The following LINGO2 variants were observed in gnomAD, a reference collection of about 807,000 sequenced individuals.
The protein encoded by LINGO2 is leucine rich repeat and Ig domain containing 2, also known as leucine-rich repeat and immunoglobulin-like domain-containing nogo receptor-interacting protein 2.
LINGO2 carries 14 observed loss-of-function variants against 30.6 expected under a neutral mutation model. That is an observed-to-expected ratio of 0.46 (90% CI 0.30 to 0.72). LINGO2 has a LOEUF of 0.72. Ranked by LOEUF, LINGO2 falls within the 30% of genes least tolerant of loss-of-function variation. LINGO2 has a pLI of 0.07. For missense variants in LINGO2, 729 were observed against 751.7 expected (o/e 0.97, Z 0.35); for synonymous variants, 317 against 288.5 (o/e 1.10, Z -1.00).
At chr9:28,803,922 A>AT in the LINGO2 span, among the ~76,000 whole-genome samples, 1 of 152,062 alleles carries the variant, frequency 6.6e-6, no homozygotes, top group Non-Finnish European at 1.5e-5. Context: ...TCTGTTCTCC[A>AT]TTTTTTCTTC....
the LINGO2 span, among the ~76,000 whole-genome samples, chr9:29,116,124 T>C: frequency 1.4e-4 from 20 of 141,594 alleles, no homozygotes; most frequent in Non-Finnish European, 2.5e-4. Context: ...AAATATGATT[T>C]AATCATTATG....
chr9:29,025,273 G>C, the LINGO2 span, among the ~76,000 whole-genome samples: 1 of 152,114 alleles, frequency 6.6e-6, no homozygotes, highest in Non-Finnish European at 1.5e-5. Context: ...CTAGGTCAGT[G>C]CATGTTATAG....
the LINGO2 span, among the ~76,000 whole-genome samples, chr9:28,914,574 T>C: frequency 2.6e-5 from 4 of 152,170 alleles, no homozygotes; most frequent in African/African-American, 9.7e-5. Context: ...ACTGTGCAGG[T>C]TCACTTATAC....
chr9:28,257,488 C>T (rs557635871), intron 4 of LINGO2, among the ~76,000 whole-genome samples: 61 of 151,854 alleles, frequency 4.0e-4, no homozygotes, highest in Non-Finnish European at 8.3e-4. Flanking sequence ...AAAATTATGA[C>T]TACTAGAAGT....
chr9:28,874,186 G>C, the LINGO2 span, among the ~76,000 whole-genome samples: 3 of 151,854 alleles, frequency 2.0e-5, no homozygotes, highest in African/African-American at 4.8e-5. Flanking sequence ...TGAAAATCAA[G>C]GAATTACCAT....
At chr9:28,896,453 C>T in the LINGO2 span, among the ~76,000 whole-genome samples, 1 of 147,318 alleles carries the variant, frequency 6.8e-6, no homozygotes, top group Non-Finnish European at 1.5e-5. Flanking sequence ...ACAGATGTAA[C>T]TATGTATGCA....
At chr9:28,224,349 C>A (rs970665036) in intron 4 of LINGO2, among the ~76,000 whole-genome samples, 10 of 152,170 alleles carry the variant, frequency 6.6e-5, no homozygotes, top group Non-Finnish European at 1.3e-4. Flanking sequence ...CAGGCGTGAG[C>A]CACCGCACCT....
chr9:28,179,717 G>C (rs1032381605), intron 4 of LINGO2, among the ~76,000 whole-genome samples: 18 of 140,812 alleles, frequency 1.3e-4, no homozygotes, highest in Admixed American at 1.5e-4. Flanking sequence ...TCTATATATA[G>C]AGTATATATA....
chr9:28,004,523 T>C (rs867990961), intron 5 of LINGO2, among the ~76,000 whole-genome samples: 4 of 152,216 alleles, frequency 2.6e-5, no homozygotes, highest in Non-Finnish European at 5.9e-5. Flanking sequence ...CTGACACTTA[T>C]GAGTCATTTA....
chr9:28,876,406 G>C, the LINGO2 span, among the ~76,000 whole-genome samples: 53,809 of 144,486 alleles, frequency 0.37, 11,515 homozygotes, highest in African/African-American at 0.58. Flanking sequence ...CCCACTCCCC[G>C]CACCCAACAA....
Position 28,129,254 on chromosome 9 carries a change from C to G in LINGO2, c.-86-116849G>C. Among the ~76,000 whole-genome samples, 1 of 152,154 alleles carries G rather than the reference C, an allele frequency of 6.6e-6. No individual in the cohort carries two copies. Among genetic ancestry groups the G allele is most frequent in the East Asian group, 1.9e-4 (1 of 5,188 alleles). ...CACCTGGTAATCGTGGGAGTCAATT[C>G]TCCTTAATAAACTCCTTTTGGTATA... On this transcript the variant is annotated intron_variant, in intron 4 of 5. Coordinates refer to ENST00000379992, the Ensembl canonical transcript of LINGO2. This position sits in a 1 kb window ranked among gnomAD's most constrained non-coding sequence, Gnocchi z 4.0.
chr9:28,591,145 C>G (rs1362603121), intron 1 of LINGO2, among the ~76,000 whole-genome samples: 4 of 148,926 alleles, frequency 2.7e-5, no homozygotes, highest in Non-Finnish European at 4.4e-5. Context: ...ACCTCACACA[C>G]TGGGGCCTGT....
chr9:27,987,577 G>A (rs763939985), intron 5 of LINGO2, among the ~76,000 whole-genome samples: 3 of 151,950 alleles, frequency 2.0e-5, no homozygotes, highest in Admixed American at 6.6e-5. Flanking sequence ...GTTTGAAGAC[G>A]TTAGCTTCGT....
the LINGO2 span, among the ~76,000 whole-genome samples, chr9:28,810,756 G>A: frequency 6.6e-6 from 1 of 152,106 alleles, no homozygotes; most frequent in Non-Finnish European, 1.5e-5. Context: ...TCTCTCAGTA[G>A]TATACAAAAC....
At chr9:28,070,036 C>G (rs1825427118) in intron 4 of LINGO2, among the ~76,000 whole-genome samples, 1 of 152,160 alleles carries the variant, frequency 6.6e-6, no homozygotes, top group Admixed American at 6.5e-5. Flanking sequence ...TGCAAAAGCT[C>G]ATGTCCGTCC....
intron 4 of LINGO2, among the ~76,000 whole-genome samples, chr9:28,222,881 G>C (rs1173236517): frequency 6.6e-6 from 1 of 152,132 alleles, no homozygotes; most frequent in Non-Finnish European, 1.5e-5. Context: ...GCATTCACTG[G>C]GGAGAGATAA....
intron 2 of LINGO2, among the ~76,000 whole-genome samples, chr9:28,376,664 G>T (rs1291517268): frequency 6.6e-6 from 1 of 152,152 alleles, no homozygotes; most frequent in Non-Finnish European, 1.5e-5. Flanking sequence ...CCTTTCCTCA[G>T]CTTGGGACAC....
At chr9:28,553,369 G>A (rs983620911) in intron 1 of LINGO2, among the ~76,000 whole-genome samples, 6 of 152,054 alleles carry the variant, frequency 3.9e-5, no homozygotes, top group African/African-American at 1.4e-4. Context: ...CTCAGGAGCC[G>A]ATGTGATCAA....
At chr9:29,180,562 A>T in the LINGO2 span, among the ~76,000 whole-genome samples, 1 of 152,134 alleles carries the variant, frequency 6.6e-6, no homozygotes, top group Admixed American at 6.5e-5. Flanking sequence ...ACAGCATCAA[A>T]TATCATGGAT....
Sources: gnomAD v4.1 joint callset for allele counts (sites outside exome capture counted in the v4.1 genomes callset) on GRCh38, gnomAD v4.1.1 for gene constraint, Gnocchi (gnomAD v3.1) non-coding constraint, MANE v1.5 for transcripts, NCBI Gene and HGNC (gene_info 2026-07-23, HGNC 2026-07-21) for gene names.